Variants in VAV1 observed in about 807,000 individuals in gnomAD.
The protein encoded by VAV1 is proto-oncogene vav.
VAV1 carries 33 observed loss-of-function variants against 128.1 expected under a neutral mutation model. The observed-to-expected ratio is 0.26, with a 90% confidence interval of 0.20 to 0.34. The LOEUF (loss-of-function observed/expected upper bound fraction) is 0.34. Among genes scored for constraint, VAV1 ranks in the 10% least tolerant of loss-of-function variants. The pLI is 1.00. For synonymous variants in VAV1, 394 were observed against 409.8 expected (o/e 0.96, Z 0.47); for missense variants, 715 against 1,093.7 (o/e 0.65, Z 4.88).
Position 6,825,299 on chromosome 19 carries a change from G to A in VAV1, c.724-4G>A. Reference sequence around the variant, plus strand: ...TCCCAGCCCTCACCCTTCCCTCCGAGTAGGACCTGCTTCGTGTTCATACTC... The same window carrying A: ...TCCCAGCCCTCACCCTTCCCTCCGAATAGGACCTGCTTCGTGTTCATACTC... On this transcript the variant is annotated splice_polypyrimidine_tract_variant and splice_region_variant and intron_variant, in intron 7 of 26. Transcript: ENST00000602142. 6.2e-7 allele frequency: 1 copy of A among 1,610,882 alleles called. No homozygotes were observed. The highest frequency in any genetic ancestry group is 1.7e-5 in the Admixed American group (1 of 59,978).
chr19:6,776,784 G>T (rs138552296), intron 1 of VAV1, among the ~76,000 whole-genome samples: 2 of 150,100 alleles, frequency 1.3e-5, no homozygotes, highest in Admixed American at 1.3e-4. Context: ...TATTTACGGC[G>T]TCTCACTCTG....
rs749873161 is a variant in VAV1, at chr19:6,833,614, G to A, written c.1697G>A (p.Arg566Gln). The change falls in exon 17 of 27, where the codon CGA (arginine) becomes CAA (glutamine). Residue 566 changes from arginine to glutamine, a missense_variant. Arg to Gln is a conservative substitution (Grantham distance 43). Coordinates refer to ENST00000602142, the MANE Select transcript of VAV1 (RefSeq NM_005428.4). Reference protein sequence around the residue: ...ECLGRVPPCGRHGQDFPGTMK... With the variant: ...ECLGRVPPCGQHGQDFPGTMK... ...CTGGGGAGGGTCCCTCCATGTGGCCGACATGGGCAAGGTACGAGTGGGAGG... is the reference window on the plus strand; with the variant it reads ...CTGGGGAGGGTCCCTCCATGTGGCCAACATGGGCAAGGTACGAGTGGGAGG... 16 of 1,613,878 alleles carry A rather than the reference G, an allele frequency of 9.9e-6. No individual in the cohort carries two copies. The highest frequency in any genetic ancestry group is 1.2e-5 in the Non-Finnish European group (14 of 1,179,840).
chr19:6,779,939 G>A (rs780600888), intron 1 of VAV1, among the ~76,000 whole-genome samples: 2 of 148,956 alleles, frequency 1.3e-5, no homozygotes, highest in African/African-American at 4.9e-5. Flanking sequence ...GTGAAACCCC[G>A]TCTCTACTAA....
At chr19:6,852,723 A>AC (rs1568320533) in intron 24 of VAV1, among the ~76,000 whole-genome samples, 7 of 144,978 alleles carry the variant, frequency 4.8e-5, no homozygotes, top group African/African-American at 2.0e-4. Context: ...TCCGTCTCAA[A>AC]GAAAAAAAAA....
chr19:6,806,175 C>T (rs982992790), intron 1 of VAV1, among the ~76,000 whole-genome samples: 2 of 152,164 alleles, frequency 1.3e-5, no homozygotes, highest in African/African-American at 4.8e-5. Flanking sequence ...CAACCTCCGC[C>T]ACCCGGGTTC....
At chr19:6,843,282 C>T (rs955066600) in intron 22 of VAV1, 116 bp downstream of exon 22, 6 of 1,205,894 alleles carry the variant, frequency 5.0e-6, no homozygotes, top group African/African-American at 3.0e-5. Context: ...CCCTGAGCAC[C>T]GACTTCTGAA....
rs949385272 is a variant in VAV1, at chr19:6,828,255, G to T, written c.1023+84G>T. 112 of 1,559,590 alleles carry T rather than the reference G, an allele frequency of 7.2e-5. No homozygotes were observed. Among genetic ancestry groups the T allele is most frequent in the Non-Finnish European group, 9.6e-5 (109 of 1,139,850 alleles). Reference sequence around the variant, plus strand: ...GTGGGGACGGGGCTGGCTTCTGGGGGTTGGGTCTCTAGGACGCTCGGGGAT... The same window carrying T: ...GTGGGGACGGGGCTGGCTTCTGGGGTTTGGGTCTCTAGGACGCTCGGGGAT... On this transcript the variant is annotated intron_variant, in intron 10 of 26. Transcript: ENST00000602142. This position sits in a 1 kb window ranked among gnomAD's most constrained non-coding sequence, Gnocchi z 4.5.
chr19:6,808,370 G>A (rs1024319445), intron 1 of VAV1, among the ~76,000 whole-genome samples: 12 of 152,064 alleles, frequency 7.9e-5, no homozygotes, highest in Non-Finnish European at 1.3e-4. Flanking sequence ...AATTACCTTA[G>A]GACAACAGGC....
At chr19:6,788,279 G>C (rs186096847) in intron 1 of VAV1, among the ~76,000 whole-genome samples, 3 of 151,904 alleles carry the variant, frequency 2.0e-5, no homozygotes, top group African/African-American at 7.3e-5. Context: ...ATGGAAAATA[G>C]GGGGGTTGGC....
chr19:6,846,314 C>T lies in VAV1; in HGVS notation c.2013-1684C>T, dbSNP rs149949691. 4.8e-3 allele frequency among the ~76,000 whole-genome samples: 725 copies of T among 151,410 alleles called. 4 individuals carry two copies. The highest frequency in any genetic ancestry group is 0.021 in the Middle Eastern group (6 of 290). ...AAAATTATGTATTATGGGCTGGGCA[C>T]GGTGGCTTATGCCTGTAATCCCAGC... is the stretch of plus-strand genomic sequence containing the variant. On this transcript the variant is annotated intron_variant, in intron 22 of 26. Transcript: ENST00000602142.
At chr19:6,819,560 G>A (rs1397444991) in intron 1 of VAV1, among the ~76,000 whole-genome samples, 1 of 152,174 alleles carries the variant, frequency 6.6e-6, no homozygotes, top group Non-Finnish European at 1.5e-5. Flanking sequence ...TTTTATGGCT[G>A]AGTAATATTC....
intron 22 of VAV1, 52 bp downstream of exon 22, chr19:6,843,218 T>C: frequency 1.2e-6 from 2 of 1,608,408 alleles, no homozygotes; most frequent in Non-Finnish European, 1.7e-6. Context: ...GGGTTGGGGT[T>C]CCAGGCTGGG....
At chr19:6,825,454 C>A in intron 8 of VAV1, 48 bp downstream of exon 8, 1 of 1,536,270 alleles carries the variant, frequency 6.5e-7, no homozygotes, top group African/African-American at 1.4e-5. Flanking sequence ...CTCTGTCTTG[C>A]CTAGGCTGGG....
intron 22 of VAV1, among the ~76,000 whole-genome samples, chr19:6,844,595 GT>G (rs1010459317): frequency 2.0e-5 from 3 of 152,230 alleles, no homozygotes; most frequent in Non-Finnish European, 4.4e-5. Context: ...CATCTGTGGC[GT>G]CTCCCTCTTT....
chr19:6,832,336 A>G lies in VAV1; in HGVS notation c.1508+136A>G. ...CCACAGTCTCTTCATTTGGGAAATAAGAGGGACAGGCCCAAGGCTGTCTTC... is the reference window on the plus strand; with the variant it reads ...CCACAGTCTCTTCATTTGGGAAATAGGAGGGACAGGCCCAAGGCTGTCTTC... On this transcript the variant is annotated intron_variant, in intron 15 of 26. Coordinates refer to ENST00000602142, the MANE Select transcript of VAV1 (RefSeq NM_005428.4). The G allele has an allele frequency of 4.9e-6, 4 of 811,546 alleles. No individual in the cohort carries two copies. In the South Asian group the frequency reaches 5.2e-5, roughly 11 times the overall value. 50.3% of individuals were successfully genotyped at this position (811,546 alleles called of 1,614,324 possible). A position where few individuals can be genotyped will look rare whatever the true frequency, so the allele number is the denominator to read the frequency against.
rs59236244 is a variant in VAV1 at position 6,776,284 on chromosome 19, TCATCCATCCATC to T, written c.204+3302_204+3313del. On this transcript the variant is annotated intron_variant, in intron 1 of 26. Coordinates refer to ENST00000602142, the MANE Select transcript of VAV1 (RefSeq NM_005428.4). Reference sequence around the variant, plus strand: ...TCTGCTCATCCATTCATCTATCCACTCATCCATCCATCCATCCATCCATCCATCCATCCATCC... The same window carrying T: ...TCTGCTCATCCATTCATCTATCCACTCATCCATCCATCCATCCATCCATCC... Among the ~76,000 whole-genome samples the T allele has an allele frequency of 6.3e-3, 635 of 100,786 alleles. 9 individuals carry two copies. Among genetic ancestry groups the T allele is most frequent in the African/African-American group, 0.023 (583 of 25,830 alleles). 66.1% of individuals were successfully genotyped at this position (100,786 alleles called of 152,430 possible).
chr19:6,836,416 G>A lies in VAV1; in HGVS notation c.1778-16G>A. 1 of 1,613,712 alleles carries A rather than the reference G, an allele frequency of 6.2e-7. No individual in the cohort carries two copies. The highest frequency in any genetic ancestry group is 8.5e-7 in the Non-Finnish European group (1 of 1,179,770). On this transcript the variant is annotated splice_polypyrimidine_tract_variant and intron_variant, in intron 19 of 26. Coordinates refer to ENST00000602142, the MANE Select transcript of VAV1 (RefSeq NM_005428.4). ...TGACTGCCAACCACCCTGTACTCCT[G>A]TACCCTGTCCTCCAGGTCTGCCCAA...
chr19:6,781,359 G>T (rs1970762931), intron 1 of VAV1, among the ~76,000 whole-genome samples: 1 of 152,192 alleles, frequency 6.6e-6, no homozygotes, highest in African/African-American at 2.4e-5. Context: ...ACATGCCAGA[G>T]GACTGGCTTC....
At chr19:6,804,099 T>C (rs1411119984) in intron 1 of VAV1, among the ~76,000 whole-genome samples, 1 of 152,218 alleles carries the variant, frequency 6.6e-6, no homozygotes, top group South Asian at 2.1e-4. Flanking sequence ...AGGCAGAGCA[T>C]GGAAGCTTTC....
Sources: gnomAD v4.1 joint callset for allele counts (sites outside exome capture counted in the v4.1 genomes callset) on GRCh38, gnomAD v4.1.1 for gene constraint, Gnocchi (gnomAD v3.1) non-coding constraint, MANE v1.5 for transcripts, NCBI Gene and HGNC (gene_info 2026-07-23, HGNC 2026-07-21) for gene names.